The following PTPRD variants were observed in gnomAD, a reference collection of about 807,000 sequenced individuals.
PTPRD encodes the protein receptor-type tyrosine-protein phosphatase delta.
In PTPRD, 34 loss-of-function variants were observed where a neutral mutation model predicts 214.5. The observed-to-expected ratio is 0.16, with a 90% CI of 0.12 to 0.21. PTPRD has a LOEUF of 0.21. PTPRD is among the 10% of genes least tolerant of loss of function. The pLI, the probability that PTPRD is intolerant of heterozygous loss-of-function variation, is 1.00. For synonymous variants in PTPRD, 1,128 were observed against 845.7 expected, an observed-to-expected ratio of 1.33 and a Z score of -5.79; for missense variants, 2,545 against 2,398.7, an observed-to-expected ratio of 1.06 and a Z score of -1.27.
intron 8 of PTPRD, among the ~76,000 whole-genome samples, chr9:9,483,228 T>A (rs1413069982): frequency 6.6e-6 from 1 of 152,160 alleles, no homozygotes; most frequent in Non-Finnish European, 1.5e-5. Flanking sequence ...ACTGATAATA[T>A]GATGATCACA....
In PTPRD at chr9:9,363,559, T is replaced by C. The variant is rs1363000230; in HGVS notation, c.-203+33890A>G. ...AGTTTCAGCTTTTAGGGGACTGAGA[T>C]TGGCTCTCTGTTCAAACAAAATCTT... On this transcript the variant is annotated intron_variant, in intron 9 of 45. Coordinates refer to ENST00000381196, the MANE Select transcript of PTPRD (RefSeq NM_002839.4). Among the ~76,000 whole-genome samples the C allele has an allele frequency of 2.0e-5, 3 of 151,390 alleles. No homozygotes were observed. In the Admixed American group the frequency reaches 2.0e-4, roughly 10 times the overall value.
chr9:9,901,004 G>C (rs974873061), intron 5 of PTPRD, among the ~76,000 whole-genome samples: 2 of 152,130 alleles, frequency 1.3e-5, no homozygotes, highest in African/African-American at 4.8e-5. Flanking sequence ...ACTTTATAAA[G>C]AAAAGAGGTT....
At chr9:8,934,485 A>G in intron 11 of PTPRD, among the ~76,000 whole-genome samples, 1 of 9,128 alleles carries the variant, frequency 1.1e-4, no homozygotes, top group Admixed American at 1.8e-3. Flanking sequence ...ATAAATATAT[A>G]TATATATAAA....
chr9:8,896,081 C>G lies in PTPRD; in HGVS notation c.-104+122616G>C, dbSNP rs115458199. Among the ~76,000 whole-genome samples, 234 of 152,266 alleles carry G rather than the reference C, an allele frequency of 1.5e-3. 1 individual carries two copies. Among genetic ancestry groups the G allele is most frequent in the African/African-American group, 5.3e-3 (221 of 41,542 alleles). On this transcript the variant is annotated intron_variant, in intron 11 of 45. Coordinates refer to ENST00000381196, the MANE Select transcript of PTPRD (RefSeq NM_002839.4). ...CTTTTTTCAGTCCAACTCCACACAT[C>G]AGAGTGTTGACATGGGGCAAGACAA... is the stretch of plus-strand genomic sequence containing the variant.
intron 2 of PTPRD, among the ~76,000 whole-genome samples, chr9:10,515,517 C>A (rs1219018005): frequency 4.6e-5 from 7 of 151,878 alleles, no homozygotes; most frequent in Admixed American, 3.3e-4. Flanking sequence ...TTCATAGTTT[C>A]AGCATATTTT....
chr9:8,547,480 A>G lies in PTPRD; in HGVS notation c.353-18701T>C, dbSNP rs2080544046. On this transcript the variant is annotated intron_variant, in intron 14 of 45. Transcript: ENST00000381196. ...TAACATGGTGAAAACCAGTCTGTAC[A>G]AAATATACAAAAATTAGCCTGGTGT... Among the ~76,000 whole-genome samples the G allele has an allele frequency of 2.0e-5, 3 of 152,036 alleles. No homozygotes were observed. The South Asian group carries it at 6.3e-4, about 32-fold the overall frequency.
chr9:8,455,475 G>A (rs980476567), intron 33 of PTPRD, among the ~76,000 whole-genome samples: 13 of 152,056 alleles, frequency 8.5e-5, no homozygotes, highest in African/African-American at 2.9e-4. Flanking sequence ...TTCACTTTGA[G>A]GCAAATTGCA....
chr9:8,756,439 A>G (rs1306789569), intron 11 of PTPRD, among the ~76,000 whole-genome samples: 1 of 152,224 alleles, frequency 6.6e-6, no homozygotes, highest in East Asian at 1.9e-4. Flanking sequence ...ATTTTGCAAG[A>G]TGCATAAAAA....
intron 4 of PTPRD, among the ~76,000 whole-genome samples, chr9:9,999,237 G>T (rs1054857169): frequency 6.6e-6 from 1 of 152,182 alleles, no homozygotes; most frequent in Non-Finnish European, 1.5e-5. Flanking sequence ...TCTCCTGGAT[G>T]CACCACACTC....
At chr9:9,083,552 G>A (rs1030129798) in intron 10 of PTPRD, among the ~76,000 whole-genome samples, 1 of 152,028 alleles carries the variant, frequency 6.6e-6, no homozygotes, top group African/African-American at 2.4e-5. Flanking sequence ...ATTGACAGAT[G>A]GGATCTAATT....
At chr9:10,250,287 G>A (rs2092650984) in intron 3 of PTPRD, among the ~76,000 whole-genome samples, 1 of 152,106 alleles carries the variant, frequency 6.6e-6, no homozygotes. Flanking sequence ...TATATGCCAT[G>A]TATGTTCTCT....
chr9:8,626,527 T>C (rs2096044637), intron 14 of PTPRD, among the ~76,000 whole-genome samples: 1 of 151,872 alleles, frequency 6.6e-6, no homozygotes, highest in Non-Finnish European at 1.5e-5. Context: ...AAATATTTGG[T>C]CAAATGTTAT....
intron 7 of PTPRD, among the ~76,000 whole-genome samples, chr9:9,588,821 T>C (rs1258031256): frequency 2.0e-5 from 3 of 151,950 alleles, no homozygotes; most frequent in Non-Finnish European, 4.4e-5. Flanking sequence ...AATGAGGAAT[T>C]ATTAAGAGCC....
chr9:9,879,567 C>A (rs930751809), intron 5 of PTPRD, among the ~76,000 whole-genome samples: 1 of 152,160 alleles, frequency 6.6e-6, no homozygotes, highest in East Asian at 1.9e-4. Context: ...GTATTTGACA[C>A]TGCAACAATT....
At chr9:8,666,648 T>C (rs1374837589) in intron 12 of PTPRD, among the ~76,000 whole-genome samples, 1 of 152,206 alleles carries the variant, frequency 6.6e-6, no homozygotes, top group Non-Finnish European at 1.5e-5. Context: ...CCAATAGATC[T>C]GCAAACTTCT....
chr9:9,706,839 T>G (rs1595701539), intron 7 of PTPRD, among the ~76,000 whole-genome samples: 2 of 152,074 alleles, frequency 1.3e-5, no homozygotes, highest in Non-Finnish European at 2.9e-5. Flanking sequence ...GGGGTGGGAA[T>G]GGGGCGAGGT....
chr9:8,460,298 G>A (rs1204893333), intron 33 of PTPRD, 113 bp downstream of exon 33: 1 of 1,204,052 alleles, frequency 8.3e-7, no homozygotes, highest in Non-Finnish European at 1.2e-6. Context: ...TAATTGAAAT[G>A]GCACTGAAGT....
At chr9:9,064,690 G>C (rs2099722129) in intron 10 of PTPRD, among the ~76,000 whole-genome samples, 1 of 152,194 alleles carries the variant, frequency 6.6e-6, no homozygotes, top group Non-Finnish European at 1.5e-5. Context: ...AATGATTTCA[G>C]TTGACAGCAA....
intron 9 of PTPRD, among the ~76,000 whole-genome samples, chr9:9,377,058 G>C (rs868841408): frequency 3.4e-4 from 52 of 152,100 alleles, no homozygotes; most frequent in African/African-American, 1.2e-3. Context: ...AATTTGGCTG[G>C]AGAATTGATG....
Sources: gnomAD v4.1 joint callset for allele counts (sites outside exome capture counted in the v4.1 genomes callset) on GRCh38, gnomAD v4.1.1 for gene constraint, MANE v1.5 for transcripts, NCBI Gene and HGNC (gene_info 2026-07-23, HGNC 2026-07-21) for gene names.